ZNF701: variants seen among roughly 807,000 people sequenced by gnomAD.
ZNF701 encodes zinc finger protein 701.
Under a neutral mutation model 7.1 loss-of-function variants are expected in ZNF701, and 6 were observed. The observed-to-expected ratio is 0.84, with a 90% CI of 0.46 to 1.66. The LOEUF (loss-of-function observed/expected upper bound fraction) is 1.66. Among genes scored for constraint, ZNF701 ranks in the 40% most tolerant of loss-of-function variants. ZNF701 has a pLI of 0.01. For missense variants in ZNF701, 541 were observed against 559.2 expected, an observed-to-expected ratio of 0.97 and a Z score of 0.33; for synonymous variants, 166 against 188.2, an observed-to-expected ratio of 0.88 and a Z score of 0.97.
intron 3 of ZNF701, among the ~76,000 whole-genome samples, chr19:52,576,865 C>T (rs928332236): frequency 1.3e-5 from 2 of 152,064 alleles, no homozygotes; most frequent in Admixed American, 6.6e-5. Flanking sequence ...AGAGAAAGGG[C>T]CCTGGACTGT....
the ZNF701 span, among the ~76,000 whole-genome samples, chr19:52,595,301 G>C: frequency 3.7e-5 from 5 of 135,544 alleles, no homozygotes; most frequent in Non-Finnish European, 7.9e-5. Flanking sequence ...ATGGATTATT[G>C]CTCTGTCACC....
chr19:52,593,376 C>T, the ZNF701 span, among the ~76,000 whole-genome samples: 42 of 113,312 alleles, frequency 3.7e-4, no homozygotes, highest in African/African-American at 4.4e-4. Context: ...GCGCCCCTCA[C>T]CTCCCGGATG....
rs770860181 is a variant in ZNF701, at chr19:52,582,549, G to C, written c.490G>C (p.Val164Leu). 1.9e-6 allele frequency: 3 copies of C among 1,614,170 alleles called. No homozygotes were observed. Among genetic ancestry groups the C allele is most frequent in the Non-Finnish European group, 2.5e-6 (3 of 1,180,024 alleles). Residue 164 changes from valine to leucine, a missense_variant, in exon 4 of 4, where the codon GTT becomes CTT. Physicochemically the swap from Val to Leu is conservative, Grantham distance 32. Coordinates refer to ENST00000391785, the MANE Select transcript of ZNF701 (RefSeq NM_018260.3). The stretch of plus-strand genomic sequence containing the variant: ...CCCCGAAGGGAAAATTGGTAATCAA[G>C]TTGAGAAGGCTATCAACGATGCTTT... ...FHPEGKIGNQ[V>L]EKAINDAFSV...
chr19:52,574,725 T>G lies in ZNF701; in HGVS notation c.15+563T>G, dbSNP rs537924135. On this transcript the variant is annotated intron_variant, in intron 2 of 3. Transcript: ENST00000391785. ...ATACAGGGGTTTTATTCCATCCTTATTTAAAGAATATGAAATCAACCTAAA... is the reference window on the plus strand; with the variant it reads ...ATACAGGGGTTTTATTCCATCCTTAGTTAAAGAATATGAAATCAACCTAAA... Among the ~76,000 whole-genome samples the G allele has an allele frequency of 3.3e-4, 51 of 152,334 alleles. 2 individuals carry two copies. The South Asian group carries it at 9.1e-3, about 27-fold the overall frequency.
At chr19:52,589,683 A>G (rs1568510334), downstream of ZNF701, among the ~76,000 whole-genome samples, 1 of 152,086 alleles carries the variant, frequency 6.6e-6, no homozygotes, top group Non-Finnish European at 1.5e-5. Context: ...TTTCACCATG[A>G]TGGCCATAAT....
intron 1 of ZNF701, chr19:52,572,481 C>T (rs3826655): frequency 0.58 from 659,956 of 1,129,672 alleles, 194,054 homozygotes; most frequent in Non-Finnish European, 0.61. Flanking sequence ...AAGGAAGTTT[C>T]TTTATCCCAG....
chr19:52,575,816 T>TC, intron 2 of ZNF701, 79 bp from the exon 3 acceptor site: 1 of 961,914 alleles, frequency 1.0e-6, no homozygotes, highest in East Asian at 2.6e-5. Context: ...ATCCATGCTT[T>TC]CCCCTCTCCT....
chr19:52,590,671 T>C (rs1473226491), downstream of ZNF701, among the ~76,000 whole-genome samples: 2 of 152,052 alleles, frequency 1.3e-5, no homozygotes, highest in African/African-American at 4.8e-5. Context: ...TGGGTCACTT[T>C]ATCCTCTGCT....
chr19:52,576,049 G>A, intron 3 of ZNF701, 28 bp downstream of exon 3: 3 of 1,598,050 alleles, frequency 1.9e-6, no homozygotes, highest in Non-Finnish European at 2.6e-6. Flanking sequence ...CCAGAAGTGG[G>A]GATGTGCCCT....
intron 3 of ZNF701, among the ~76,000 whole-genome samples, chr19:52,579,026 G>A (rs1054357382): frequency 5.4e-5 from 8 of 147,436 alleles, no homozygotes; most frequent in Admixed American, 2.7e-4. Flanking sequence ...GATTACAGAC[G>A]TGAGCCACCG....
At chr19:52,572,734 C>A (rs1451844410) in intron 1 of ZNF701, 3 of 358,510 alleles carry the variant, frequency 8.4e-6, no homozygotes, top group African/African-American at 4.3e-5. Flanking sequence ...AGGACAAAAG[C>A]CCAACTCCTC....
At chr19:52,588,283 C>T (rs1157821825), downstream of ZNF701, among the ~76,000 whole-genome samples, 2 of 151,772 alleles carry the variant, frequency 1.3e-5, no homozygotes, top group African/African-American at 2.4e-5. Context: ...GTCAGGAGAT[C>T]GAGACCATCC....
chr19:52,577,179 A>G (rs905628744), intron 3 of ZNF701, among the ~76,000 whole-genome samples: 1 of 152,164 alleles, frequency 6.6e-6, no homozygotes, highest in Non-Finnish European at 1.5e-5. Flanking sequence ...GGCTAACAGC[A>G]GCCTCCACCT....
At position 52,582,995 on chromosome 19, in the gene ZNF701, C is replaced by G. The variant is rs2059986356; in HGVS notation, c.936C>G (p.Asn312Lys). 6.2e-7 allele frequency: 1 copy of G among 1,613,656 alleles called. No homozygotes were observed. The highest frequency in any genetic ancestry group is 8.5e-7 in the Non-Finnish European group (1 of 1,179,960). The change falls in exon 4 of 4, where the codon AAC becomes AAG. Residue 312 changes from asparagine to lysine, a missense_variant. Asn to Lys is a moderately conservative substitution (Grantham distance 94, BLOSUM62 0). Transcript: ENST00000391785. ...GCAAGGTTTTTAATCAACAATCAAACCTTGCACGTCATCATAGAGTTCATA... is the reference window on the plus strand; with the variant it reads ...GCAAGGTTTTTAATCAACAATCAAAGCTTGCACGTCATCATAGAGTTCATA... ...ECGKVFNQQSNLARHHRVHTG... is the reference protein window; with the variant it reads ...ECGKVFNQQSKLARHHRVHTG...
chr19:52,583,571 C>A lies in ZNF701; in HGVS notation c.*114C>A, dbSNP rs981902176. 2 of 1,486,198 alleles carry A rather than the reference C, an allele frequency of 1.3e-6. No homozygotes were observed. The highest frequency in any genetic ancestry group is 9.4e-7 in the Non-Finnish European group (1 of 1,066,206). The allele number at this position is 1,486,198 out of a possible 1,614,324, so 92.1% of individuals were successfully genotyped here. A position where few individuals can be genotyped will look rare whatever the true frequency, so the allele number is the denominator to read the frequency against. ...AGAATGTGACAAAAGTTTTCAATTT[C>A]AAATCACTCCTTGAAATACATAGGA... On this transcript the variant is annotated 3_prime_UTR_variant, in exon 4 of 4. Transcript: ENST00000391785.
intron 1 of ZNF701, chr19:52,570,888 T>G (rs1357063577): frequency 3.9e-5 from 6 of 152,528 alleles, no homozygotes; most frequent in Non-Finnish European, 7.3e-5. Context: ...TGTGACACGG[T>G]GTGTTCTTGC....
the ZNF701 span, chr19:52,597,270 T>C: frequency 1.8e-6 from 1 of 547,510 alleles, no homozygotes; most frequent in Non-Finnish European, 3.7e-6. Flanking sequence ...GTGTGATGAT[T>C]GTGGCAAAGT....
In ZNF701 at chr19:52,584,159, G is replaced by C. The variant is rs139102502; in HGVS notation, c.*702G>C. ...ATGTGTGGCAAGGTCTTCAGTCCGA[G>C]GTTACTCCTTGCAGAATATCATAAC... On this transcript the variant is annotated 3_prime_UTR_variant, in exon 4 of 4. Transcript: ENST00000391785. The C allele has an allele frequency of 3.0e-3, 903 of 300,444 alleles. 3 individuals are homozygous for C. Among genetic ancestry groups the C allele is most frequent in the Non-Finnish European group, 3.9e-3 (579 of 149,040 alleles). The allele number at this position is 300,444 out of a possible 1,614,324, so 18.6% of individuals were successfully genotyped here. A position where few individuals can be genotyped will look rare whatever the true frequency, so the allele number is the denominator to read the frequency against.
chr19:52,595,400 G>T, the ZNF701 span, among the ~76,000 whole-genome samples: 10 of 151,582 alleles, frequency 6.6e-5, no homozygotes, highest in Non-Finnish European at 1.5e-4. Context: ...CTCCCAAGTA[G>T]CTAGGACTAT....
Sources: gnomAD v4.1 joint callset for allele counts (sites outside exome capture counted in the v4.1 genomes callset) on GRCh38, gnomAD v4.1.1 for gene constraint, MANE v1.5 for transcripts, NCBI Gene and HGNC (gene_info 2026-07-23, HGNC 2026-07-21) for gene names.